The following NDNF variants were observed in gnomAD, a reference collection of about 807,000 sequenced individuals.
The protein encoded by NDNF is neuron derived neurotrophic factor, also known as protein NDNF.
NDNF carries 16 observed loss-of-function variants against 42.0 expected under a neutral mutation model. The observed-to-expected ratio is 0.38, with a 90% CI of 0.26 to 0.58. The LOEUF is 0.58. Ranked by LOEUF, NDNF falls within the 20% of genes least tolerant of loss-of-function variation. The probability of loss-of-function intolerance (pLI) is 0.67; values close to 1 mark genes in which losing one functional copy is unlikely to be tolerated. For missense variants in NDNF, 616 were observed against 666.2 expected (o/e 0.92, Z 0.83); for synonymous variants, 248 against 251.7 (o/e 0.99, Z 0.14).
chr4:121,048,602 G>A (rs1727134298), intron 1 of NDNF, among the ~76,000 whole-genome samples: 1 of 152,234 alleles, frequency 6.6e-6, no homozygotes, highest in East Asian at 1.9e-4. Context: ...CACTTTGGGA[G>A]GCCAAGGCAG....
At chr4:121,070,300 A>C (rs576647455) in intron 1 of NDNF, among the ~76,000 whole-genome samples, 4 of 152,288 alleles carry the variant, frequency 2.6e-5, no homozygotes, top group South Asian at 4.1e-4. Flanking sequence ...TCCATCCATC[A>C]CTTCTTTCAA....
chr4:121,059,614 T>C (rs190885948), intron 1 of NDNF, among the ~76,000 whole-genome samples: 37 of 152,326 alleles, frequency 2.4e-4, no homozygotes, highest in African/African-American at 7.7e-4. Flanking sequence ...CACAAAAATG[T>C]CCTGATAAGA....
chr4:121,056,838 G>A (rs1417757845), intron 1 of NDNF, among the ~76,000 whole-genome samples: 4 of 152,192 alleles, frequency 2.6e-5, no homozygotes, highest in African/African-American at 9.7e-5. Flanking sequence ...AAACACATGG[G>A]TTGCATCCTC....
At chr4:121,050,171 TTAAGA>T (rs1209453659) in intron 1 of NDNF, among the ~76,000 whole-genome samples, 1 of 152,232 alleles carries the variant, frequency 6.6e-6, no homozygotes, top group Non-Finnish European at 1.5e-5. Context: ...AATGGTGGTT[TTAAGA>T]TTTTACACAT....
At chr4:121,040,282 G>A (rs1726975574) in intron 2 of NDNF, among the ~76,000 whole-genome samples, 1 of 152,058 alleles carries the variant, frequency 6.6e-6, no homozygotes, top group Admixed American at 6.5e-5. Flanking sequence ...CCAAGGATCT[G>A]CAACCAGATT....
intron 1 of NDNF, among the ~76,000 whole-genome samples, chr4:121,068,527 G>C (rs1727537157): frequency 6.6e-6 from 1 of 152,162 alleles, no homozygotes; most frequent in South Asian, 2.1e-4. Context: ...AGGGTCAAAT[G>C]AATTAGTTGA....
Position 121,036,062 on chromosome 4 carries a change from C to A in NDNF, c.*202G>T. On this transcript the variant is annotated 3_prime_UTR_variant, in exon 4 of 4. Coordinates refer to ENST00000379692, the MANE Select transcript of NDNF (RefSeq NM_024574.4). ...GACACCAACCGGCATCAGACACACACTAGGTACCATGGGGCACGCTAGAAC... is the reference window on the plus strand; with the variant it reads ...GACACCAACCGGCATCAGACACACAATAGGTACCATGGGGCACGCTAGAAC... 1 of 526,836 alleles carries A rather than the reference C, an allele frequency of 1.9e-6. No homozygotes were observed. 32.6% of individuals were successfully genotyped at this position (526,836 alleles called of 1,614,324 possible).
intron 1 of NDNF, among the ~76,000 whole-genome samples, chr4:121,055,018 T>C (rs1213806016): frequency 1.3e-5 from 2 of 151,928 alleles, no homozygotes; most frequent in Non-Finnish European, 2.9e-5. Context: ...TATTTTTGTA[T>C]AGAAGGGATC....
At chr4:121,067,172 A>G (rs1727512887) in intron 1 of NDNF, among the ~76,000 whole-genome samples, 1 of 152,202 alleles carries the variant, frequency 6.6e-6, no homozygotes, top group Non-Finnish European at 1.5e-5. Flanking sequence ...ACTTTATATA[A>G]CCTTACCATT....
At chr4:121,041,704 C>T (rs1727000872) in intron 2 of NDNF, among the ~76,000 whole-genome samples, 1 of 152,166 alleles carries the variant, frequency 6.6e-6, no homozygotes, top group Non-Finnish European at 1.5e-5. Context: ...TGGGAAACTA[C>T]TCATTAATTC....
intron 3 of NDNF, among the ~76,000 whole-genome samples, chr4:121,038,359 G>GATAAAATAAAATAAAATAAAATAAA (rs533558817): frequency 0.012 from 1,548 of 131,080 alleles, 49 homozygotes; most frequent in African/African-American, 0.042. Context: ...CTCAAAATAA[G>GATAAAATAAAATAAAATAAAATAAA]ATAAAATAAA....
chr4:121,042,466 T>G (rs926087352), intron 2 of NDNF, among the ~76,000 whole-genome samples: 1 of 152,212 alleles, frequency 6.6e-6, no homozygotes, highest in African/African-American at 2.4e-5. Context: ...CAAAAGCAAC[T>G]TATTCATATA....
intron 3 of NDNF, chr4:121,038,909 C>A (rs531470846): frequency 6.7e-6 from 1 of 150,048 alleles, no homozygotes; most frequent in African/African-American, 2.5e-5. Flanking sequence ...ATTGCTTAAG[C>A]CCAGGAGGTG....
chr4:121,047,723 T>C (rs1300385659), intron 1 of NDNF, among the ~76,000 whole-genome samples: 1 of 152,192 alleles, frequency 6.6e-6, no homozygotes, highest in East Asian at 1.9e-4. Context: ...GGATGGGTGA[T>C]CTATAATCAG....
Position 121,036,319 on chromosome 4 carries a change from C to T in NDNF, c.1652G>A (p.Gly551Glu). 1 of 1,613,992 alleles carries T rather than the reference C, an allele frequency of 6.2e-7. No homozygotes were observed. Among genetic ancestry groups the T allele is most frequent in the Non-Finnish European group, 8.5e-7 (1 of 1,179,964 alleles). ...YLLDVYVIGH[G>E]GHSVKYQSKV... ...ACTCTGATACTTTACAGAGTGCCCC[C>T]CATGTCCTATGACATAAACATCCAG... The change falls in exon 4 of 4, where the codon GGG (glycine) becomes GAG (glutamate). Residue 551 changes from glycine (G) to glutamate (E), a missense_variant. Gly to Glu is a moderately conservative substitution (Grantham distance 98). Coordinates refer to ENST00000379692, the MANE Select transcript of NDNF (RefSeq NM_024574.4).
At chr4:121,040,541 C>A (rs1726979605) in intron 2 of NDNF, among the ~76,000 whole-genome samples, 1 of 152,212 alleles carries the variant, frequency 6.6e-6, no homozygotes, top group African/African-American at 2.4e-5. Context: ...AGAACATTTT[C>A]ACAGCAACCT....
intron 1 of NDNF, chr4:121,071,401 G>GCCCC (rs933657478): frequency 3.3e-5 from 5 of 152,270 alleles, no homozygotes; most frequent in Non-Finnish European, 5.9e-5. Context: ...CGAACTCCCG[G>GCCCC]CCCCGGCTGC....
At chr4:121,055,664 G>A (rs1374971735) in intron 1 of NDNF, among the ~76,000 whole-genome samples, 1 of 152,156 alleles carries the variant, frequency 6.6e-6, no homozygotes, top group Non-Finnish European at 1.5e-5. Flanking sequence ...AAACATAAAT[G>A]AGGAGAGGCT....
chr4:121,040,418 AC>A (rs1726977571), intron 2 of NDNF, among the ~76,000 whole-genome samples: 2 of 152,194 alleles, frequency 1.3e-5, no homozygotes, highest in African/African-American at 2.4e-5. Context: ...ATAAATCACA[AC>A]CAAGAAAATT....
Sources: gnomAD v4.1 joint callset for allele counts (sites outside exome capture counted in the v4.1 genomes callset) on GRCh38, gnomAD v4.1.1 for gene constraint, MANE v1.5 for transcripts, NCBI Gene and HGNC (gene_info 2026-07-23, HGNC 2026-07-21) for gene names.